Variants in GRIA4 observed in about 807,000 individuals in gnomAD.
GRIA4 encodes glutamate ionotropic receptor AMPA type subunit 4, also known as glutamate receptor 4.
A neutral mutation model predicts 104.0 loss-of-function variants in GRIA4; 34 were observed. The ratio of observed to expected loss-of-function variants is 0.33; its 90% CI spans 0.25 to 0.44. The LOEUF (loss-of-function observed/expected upper bound fraction) is 0.44, where lower values mean the gene tolerates loss of function less well. Ranked by LOEUF, GRIA4 falls within the 20% of genes least tolerant of loss-of-function variation. The pLI, the probability that GRIA4 is intolerant of heterozygous loss-of-function variation, is 1.00. For synonymous variants in GRIA4, 386 were observed against 381.9 expected (o/e 1.01, Z -0.13); for missense variants, 750 against 1,096.5 (o/e 0.68, Z 4.46).
intron 5 of GRIA4, among the ~76,000 whole-genome samples, chr11:105,875,095 C>T (rs972252955): frequency 2.6e-5 from 4 of 152,150 alleles, no homozygotes; most frequent in Admixed American, 6.5e-5. Flanking sequence ...TCCATCAATA[C>T]CTAGTTTATT....
chr11:105,751,382 C>A (rs1291459400), intron 3 of GRIA4, among the ~76,000 whole-genome samples: 1 of 152,150 alleles, frequency 6.6e-6, no homozygotes, highest in Non-Finnish European at 1.5e-5. Flanking sequence ...GACGCAGCAA[C>A]TTGATTTATT....
chr11:105,917,071 C>G (rs1167854023), intron 10 of GRIA4, among the ~76,000 whole-genome samples: 1 of 152,006 alleles, frequency 6.6e-6, no homozygotes, highest in Non-Finnish European at 1.5e-5. Flanking sequence ...CACAATTCAC[C>G]AATTTTATAA....
intron 3 of GRIA4, among the ~76,000 whole-genome samples, chr11:105,747,062 G>T (rs963569843): frequency 3.9e-5 from 6 of 152,064 alleles, no homozygotes; most frequent in Non-Finnish European, 7.4e-5. Context: ...GAATTTTGAC[G>T]TATTTATCTG....
At chr11:105,793,454 C>T (rs1325943566) in intron 4 of GRIA4, among the ~76,000 whole-genome samples, 1 of 152,176 alleles carries the variant, frequency 6.6e-6, no homozygotes, top group Non-Finnish European at 1.5e-5. Context: ...AATCCCACAG[C>T]AGGGACTATT....
intron 3 of GRIA4, among the ~76,000 whole-genome samples, chr11:105,703,746 A>G (rs1953590673): frequency 6.6e-6 from 1 of 152,152 alleles, no homozygotes. Flanking sequence ...AATTTGCTAA[A>G]CTGTCAAACC....
chr11:105,738,559 G>A (rs1258864575), intron 3 of GRIA4, among the ~76,000 whole-genome samples: 1 of 152,034 alleles, frequency 6.6e-6, no homozygotes, highest in African/African-American at 2.4e-5. Context: ...GAGAATAGTT[G>A]TTTCTAAAAC....
intron 3 of GRIA4, among the ~76,000 whole-genome samples, chr11:105,679,189 G>A (rs1952634013): frequency 6.6e-6 from 1 of 152,144 alleles, no homozygotes; most frequent in Admixed American, 6.6e-5. Context: ...CTTCTTGCTT[G>A]AGGATATCAG....
rs544071576 is a variant in GRIA4 at position 105,853,937 on chromosome 11, T to G, written c.488-8087T>G. On this transcript the variant is annotated intron_variant, in intron 4 of 16. Transcript: ENST00000282499. ...TCAAACTAGCATTATAAAAGCAGTT[T>G]TATAAATCTGTCTCTTCTCTGCTCC... 3.9e-5 allele frequency among the ~76,000 whole-genome samples: 6 copies of G among 152,296 alleles called. No homozygotes were observed. The East Asian group carries it at 1.2e-3, about 29-fold the overall frequency.
intron 5 of GRIA4, among the ~76,000 whole-genome samples, chr11:105,866,896 T>C (rs1945439817): frequency 6.6e-6 from 1 of 151,944 alleles, no homozygotes; most frequent in African/African-American, 2.4e-5. Context: ...TAACCAAGTA[T>C]TTATCAGGAA....
At chr11:105,775,492 T>A (rs1323948970) in intron 4 of GRIA4, among the ~76,000 whole-genome samples, 2 of 152,024 alleles carry the variant, frequency 1.3e-5, no homozygotes, top group African/African-American at 4.8e-5. Context: ...GGAAAAAATT[T>A]AAAGACAAAA....
intron 7 of GRIA4, among the ~76,000 whole-genome samples, chr11:105,900,868 G>A (rs527668452): frequency 6.6e-6 from 1 of 152,282 alleles, no homozygotes; most frequent in Non-Finnish European, 1.5e-5. Context: ...ATGAGCCACT[G>A]CGCCTGGCCC....
intron 6 of GRIA4, among the ~76,000 whole-genome samples, chr11:105,888,719 G>T (rs574777448): frequency 6.6e-6 from 1 of 152,176 alleles, no homozygotes; most frequent in East Asian, 1.9e-4. Flanking sequence ...CAGACTTTGA[G>T]ACAGGAATTT....
chr11:105,779,632 T>C (rs1439278638), intron 4 of GRIA4, among the ~76,000 whole-genome samples: 1 of 147,952 alleles, frequency 6.8e-6, no homozygotes, highest in Non-Finnish European at 1.5e-5. Flanking sequence ...CTTAAAAGTA[T>C]AATAAAAAAA....
chr11:105,760,520 AT>A (rs1273751401), intron 4 of GRIA4, among the ~76,000 whole-genome samples: 1 of 152,124 alleles, frequency 6.6e-6, no homozygotes, highest in Non-Finnish European at 1.5e-5. Context: ...GTACTTGACA[AT>A]TTTGTAGCAA....
At chr11:105,791,073 G>A (rs918898876) in intron 4 of GRIA4, among the ~76,000 whole-genome samples, 1 of 152,124 alleles carries the variant, frequency 6.6e-6, no homozygotes, top group African/African-American at 2.4e-5. Context: ...AAAGTGCTGA[G>A]GGAGCTTCCA....
chr11:105,780,744 A>T (rs1941689882), intron 4 of GRIA4, among the ~76,000 whole-genome samples: 1 of 152,204 alleles, frequency 6.6e-6, no homozygotes, highest in Admixed American at 6.5e-5. Context: ...ATGAAAGAAA[A>T]ATAATCGTAA....
At chr11:105,814,039 A>G (rs1943281107) in intron 4 of GRIA4, among the ~76,000 whole-genome samples, 1 of 152,206 alleles carries the variant, frequency 6.6e-6, no homozygotes, top group African/African-American at 2.4e-5. Flanking sequence ...CTTCCAGGGG[A>G]TGAAACAGCA....
At chr11:105,878,219 G>C (rs1945908077) in intron 5 of GRIA4, among the ~76,000 whole-genome samples, 1 of 152,184 alleles carries the variant, frequency 6.6e-6, no homozygotes, top group African/African-American at 2.4e-5. Context: ...TCCAGACCCT[G>C]TTTGCCTGGG....
intron 4 of GRIA4, among the ~76,000 whole-genome samples, chr11:105,842,366 A>G (rs879303076): frequency 8.5e-5 from 13 of 152,170 alleles, no homozygotes; most frequent in South Asian, 8.3e-4. Context: ...GATTAGTGTG[A>G]CTGCTATGAT....
Sources: gnomAD v4.1 joint callset for allele counts (sites outside exome capture counted in the v4.1 genomes callset) on GRCh38, gnomAD v4.1.1 for gene constraint, MANE v1.5 for transcripts, NCBI Gene and HGNC (gene_info 2026-07-23, HGNC 2026-07-21) for gene names.